Variants in MACROD2 observed in about 807,000 individuals in gnomAD.
MACROD2 encodes mono-ADP ribosylhydrolase 2, also known as ADP-ribose glycohydrolase MACROD2.
A neutral mutation model predicts 70.4 loss-of-function variants in MACROD2; 36 were observed. That is an observed-to-expected ratio of 0.51 (90% CI 0.39 to 0.68). The LOEUF (loss-of-function observed/expected upper bound fraction) is 0.68, where lower values mean the gene tolerates loss of function less well. MACROD2 is among the 30% of genes least tolerant of loss of function. The pLI, the probability that MACROD2 is intolerant of heterozygous loss-of-function variation, is 0.00. For missense variants in MACROD2, 496 were observed against 538.4 expected (o/e 0.92, Z 0.78); for synonymous variants, 172 against 178.8 (o/e 0.96, Z 0.30).
intron 3 of MACROD2, among the ~76,000 whole-genome samples, chr20:14,356,371 C>T (rs960045246): frequency 6.6e-6 from 1 of 152,010 alleles, no homozygotes; most frequent in African/African-American, 2.4e-5. Flanking sequence ...CAAACCTCCC[C>T]AAAATTGGTG....
intron 8 of MACROD2, among the ~76,000 whole-genome samples, chr20:15,613,289 C>T (rs2048995053): frequency 6.6e-6 from 1 of 152,180 alleles, no homozygotes; most frequent in Non-Finnish European, 1.5e-5. Flanking sequence ...CTTATTATGA[C>T]AGCTTGTTCT....
At chr20:15,512,345 T>C (rs2047511020) in intron 8 of MACROD2, among the ~76,000 whole-genome samples, 1 of 152,266 alleles carries the variant, frequency 6.6e-6, no homozygotes, top group Non-Finnish European at 1.5e-5. Context: ...GAAAGGATTT[T>C]AGTATATTCC....
intron 5 of MACROD2, among the ~76,000 whole-genome samples, chr20:14,768,695 C>A (rs763015932): frequency 6.6e-6 from 1 of 151,936 alleles, no homozygotes; most frequent in Non-Finnish European, 1.5e-5. Flanking sequence ...CGGCTCACTG[C>A]AGCCTCTGCC....
chr20:14,490,147 A>G (rs188944615), intron 3 of MACROD2, among the ~76,000 whole-genome samples: 63 of 152,266 alleles, frequency 4.1e-4, no homozygotes, highest in African/African-American at 1.4e-3. Context: ...TTTGGTTTTA[A>G]TACTTTAATA....
chr20:15,974,034 G>A (rs2066269380), intron 13 of MACROD2, among the ~76,000 whole-genome samples: 1 of 152,146 alleles, frequency 6.6e-6, no homozygotes, highest in Non-Finnish European at 1.5e-5. Flanking sequence ...TGGACTGTTT[G>A]AAAAATGTAC....
At chr20:15,592,275 A>G (rs909634109) in intron 8 of MACROD2, among the ~76,000 whole-genome samples, 1 of 152,244 alleles carries the variant, frequency 6.6e-6, no homozygotes, top group Non-Finnish European at 1.5e-5. Flanking sequence ...TCAATAAATA[A>G]TCACTTCTAT....
intron 5 of MACROD2, among the ~76,000 whole-genome samples, chr20:15,112,237 G>A (rs142391651): frequency 1.2e-3 from 181 of 152,232 alleles, no homozygotes; most frequent in African/African-American, 3.7e-3. Flanking sequence ...ATGTTAAGAG[G>A]GTTCAGAAGT....
intron 7 of MACROD2, among the ~76,000 whole-genome samples, chr20:15,489,781 G>A (rs1488142066): frequency 6.6e-6 from 1 of 152,116 alleles, no homozygotes; most frequent in Non-Finnish European, 1.5e-5. Flanking sequence ...TCCATTCTGA[G>A]GACCAACAAC....
At chr20:14,156,110 T>A (rs1181788884) in intron 3 of MACROD2, among the ~76,000 whole-genome samples, 1 of 152,176 alleles carries the variant, frequency 6.6e-6, no homozygotes, top group East Asian at 1.9e-4. Context: ...TGCAGTGATC[T>A]GTGTTCATGC....
intron 8 of MACROD2, among the ~76,000 whole-genome samples, chr20:15,648,895 A>T (rs1237403960): frequency 6.6e-6 from 1 of 152,194 alleles, no homozygotes; most frequent in African/African-American, 2.4e-5. Flanking sequence ...CTCTTTACTT[A>T]GTCTATAAAG....
intron 8 of MACROD2, among the ~76,000 whole-genome samples, chr20:15,810,455 GGTTGAACTA>G (rs1429445446): frequency 2.6e-5 from 4 of 151,880 alleles, no homozygotes; most frequent in Non-Finnish European, 5.9e-5. Flanking sequence ...CTTCCACAAT[GGTTGAACTA>G]GTTTACAGTC....
At chr20:15,826,547 C>G (rs1250649363) in intron 8 of MACROD2, among the ~76,000 whole-genome samples, 1 of 152,102 alleles carries the variant, frequency 6.6e-6, no homozygotes, top group Non-Finnish European at 1.5e-5. Flanking sequence ...GTCTCATCTA[C>G]CTTGAAACAT....
chr20:14,227,651 G>T (rs751754528), intron 3 of MACROD2, among the ~76,000 whole-genome samples: 3 of 152,218 alleles, frequency 2.0e-5, no homozygotes, highest in Non-Finnish European at 4.4e-5. Flanking sequence ...AGGGTCCGCG[G>T]CTTCATTCTT....
chr20:14,464,449 C>T lies in MACROD2; in HGVS notation c.272-29030C>T, dbSNP rs536657473. 1.6e-3 allele frequency among the ~76,000 whole-genome samples: 238 copies of T among 152,018 alleles called. 4 individuals carry two copies. Among genetic ancestry groups the T allele is most frequent in the African/African-American group, 5.4e-3 (224 of 41,404 alleles). On this transcript the variant is annotated intron_variant, in intron 3 of 17. Coordinates refer to ENST00000684519, the MANE Select transcript of MACROD2 (RefSeq NM_001351661.2). ...TTTTCTTCTTTATGAGTCTTGCTAG[C>T]GGTCTATCAATTTTGTTGATCTTTT... is the stretch of plus-strand genomic sequence containing the variant.
intron 5 of MACROD2, among the ~76,000 whole-genome samples, chr20:15,006,102 T>G (rs2075033778): frequency 6.6e-6 from 1 of 150,972 alleles, no homozygotes. Context: ...TCTCCAGGAC[T>G]CATTAAAAAG....
At chr20:14,920,729 C>T (rs2074152628) in intron 5 of MACROD2, among the ~76,000 whole-genome samples, 1 of 152,104 alleles carries the variant, frequency 6.6e-6, no homozygotes, top group Non-Finnish European at 1.5e-5. Flanking sequence ...GCTACCATTT[C>T]TTCTAATCCT....
chr20:14,258,014 CT>C lies in MACROD2; in HGVS notation c.271+172288del, dbSNP rs1373442933. On this transcript the variant is annotated intron_variant, in intron 3 of 17. Transcript: ENST00000684519. ...GGTTTTCCATTTTTGAGTTGCTGCA[CT>C]TAGAATAATGGTCTCCAATTCCACC... Among the ~76,000 whole-genome samples, 7 of 152,262 alleles carry C rather than the reference CT, an allele frequency of 4.6e-5. No individual in the cohort carries two copies. In the East Asian group the frequency reaches 1.4e-3, roughly 29 times the overall value.
intron 8 of MACROD2, among the ~76,000 whole-genome samples, chr20:15,840,535 C>CA (rs1290634864): frequency 2.0e-5 from 3 of 152,078 alleles, no homozygotes; most frequent in African/African-American, 7.2e-5. Context: ...ACTATGGCTT[C>CA]AAAAAATGTC....
chr20:15,364,239 C>T (rs1357421831), intron 6 of MACROD2, among the ~76,000 whole-genome samples: 1 of 152,188 alleles, frequency 6.6e-6, no homozygotes, highest in Non-Finnish European at 1.5e-5. Flanking sequence ...CTGCATTCCT[C>T]CATCCCCCTT....
Sources: allele counts gnomAD v4.1 joint callset (sites outside exome capture counted in the v4.1 genomes callset), GRCh38; gene constraint gnomAD v4.1.1; transcripts MANE v1.5; gene names NCBI Gene and HGNC (gene_info 2026-07-23, HGNC 2026-07-21).